CTIF: variants seen among roughly 807,000 people sequenced by gnomAD.
CTIF encodes the protein CBP80/20-dependent translation initiation factor.
A neutral mutation model predicts 66.0 loss-of-function variants in CTIF; 21 were observed. The observed-to-expected ratio is 0.32, with a 90% CI of 0.23 to 0.46. The LOEUF is 0.46. Among genes scored for constraint, CTIF ranks in the 20% least tolerant of loss-of-function variants. The pLI is 1.00. For missense variants in CTIF, 739 were observed against 812.7 expected (o/e 0.91, Z 1.10); for synonymous variants, 345 against 326.4 (o/e 1.06, Z -0.62).
At chr18:48,556,707 G>T (rs576736468) in intron 1 of CTIF, among the ~76,000 whole-genome samples, 1 of 152,298 alleles carries the variant, frequency 6.6e-6, no homozygotes, top group South Asian at 2.1e-4. Context: ...TGAGATTACA[G>T]GCACGCACCA....
rs79161690 is a variant in CTIF at position 48,549,916 on chromosome 18, T to C, written c.-29+10604T>C. Among the ~76,000 whole-genome samples the C allele has an allele frequency of 4.8e-4, 73 of 152,180 alleles. No homozygotes were observed. The East Asian group carries it at 0.012, about 25-fold the overall frequency. ...CCAAGTTTCAAGATGTTTTTATTTA[T>C]TGGGGGGGAGTTAGTGAATTAGCTT... On this transcript the variant is annotated intron_variant, in intron 1 of 11. Transcript: ENST00000256413.
intron 10 of CTIF, among the ~76,000 whole-genome samples, chr18:48,855,077 G>T (rs4404146): frequency 0.29 from 43,658 of 152,154 alleles, 6,488 homozygotes; most frequent in Admixed American, 0.35. Flanking sequence ...GCAGTGAACT[G>T]TGCTGGCCTG....
chr18:48,795,007 T>C (rs2067882558), intron 9 of CTIF, among the ~76,000 whole-genome samples: 1 of 152,086 alleles, frequency 6.6e-6, no homozygotes, highest in Non-Finnish European at 1.5e-5. Context: ...GAGAGTCCTG[T>C]GTGAGGATTC....
intron 1 of CTIF, among the ~76,000 whole-genome samples, chr18:48,613,054 G>A (rs148986606): frequency 1.1e-3 from 169 of 152,268 alleles, no homozygotes; most frequent in Non-Finnish European, 1.9e-3. Flanking sequence ...AGGCCCTGGA[G>A]CAGATGCATT....
At chr18:48,799,986 G>A (rs1319668656) in intron 9 of CTIF, among the ~76,000 whole-genome samples, 1 of 152,246 alleles carries the variant, frequency 6.6e-6, no homozygotes, top group African/African-American at 2.4e-5. Context: ...CACAAGAGTG[G>A]AGGGCCTACT....
chr18:48,733,716 G>A lies in CTIF; in HGVS notation c.584+22021G>A, dbSNP rs145825378. Among the ~76,000 whole-genome samples, 185 of 152,326 alleles carry A rather than the reference G, an allele frequency of 1.2e-3. 1 individual carries two copies. Among genetic ancestry groups the A allele is most frequent in the African/African-American group, 4.4e-3 (181 of 41,566 alleles). ...CACCTAGGGTTTTCATTTGCAGCCCGTGATGAAGTCAGCTGGCCAAGAGGT... is the reference window on the plus strand; with the variant it reads ...CACCTAGGGTTTTCATTTGCAGCCCATGATGAAGTCAGCTGGCCAAGAGGT... On this transcript the variant is annotated intron_variant, in intron 7 of 11. Transcript: ENST00000256413.
intron 1 of CTIF, among the ~76,000 whole-genome samples, chr18:48,613,057 G>C (rs2090336423): frequency 6.6e-6 from 1 of 152,170 alleles, no homozygotes; most frequent in African/African-American, 2.4e-5. Flanking sequence ...CCCTGGAGCA[G>C]ATGCATTTCA....
rs574767753 is a variant in CTIF, at chr18:48,553,445, G to A, written c.-29+14133G>A. 5.3e-4 allele frequency among the ~76,000 whole-genome samples: 80 copies of A among 152,308 alleles called. 3 individuals are homozygous for A. The South Asian group carries it at 0.016, about 30-fold the overall frequency. On this transcript the variant is annotated intron_variant, in intron 1 of 11. Transcript: ENST00000256413. ...AGGCCCAGGTGGCTGGCAGATGACG[G>A]TGAGGAGCGGGTGATGGGGTAATTC...
chr18:48,731,062 A>AT (rs1376847916), intron 7 of CTIF, among the ~76,000 whole-genome samples: 1 of 152,132 alleles, frequency 6.6e-6, no homozygotes, highest in African/African-American at 2.4e-5. Flanking sequence ...CATGAGGATG[A>AT]GAAAGAAGAA....
chr18:48,602,783 ATGGG>A (rs2090113877), intron 1 of CTIF, among the ~76,000 whole-genome samples: 1 of 152,122 alleles, frequency 6.6e-6, no homozygotes. Flanking sequence ...AAATGGACAT[ATGGG>A]TGGATGGATG....
At chr18:48,757,675 G>A (rs1445334193) in intron 7 of CTIF, among the ~76,000 whole-genome samples, 2 of 152,188 alleles carry the variant, frequency 1.3e-5, no homozygotes, top group Non-Finnish European at 2.9e-5. Flanking sequence ...AGCGAATAAA[G>A]TACTGATTTT....
chr18:48,606,282 CA>C (rs1212867923), intron 1 of CTIF, among the ~76,000 whole-genome samples: 1 of 152,216 alleles, frequency 6.6e-6, no homozygotes, highest in Admixed American at 6.6e-5. Context: ...GTTCATGCCA[CA>C]AGGAGTGGGA....
At chr18:48,781,258 C>G (rs780101738) in intron 9 of CTIF, among the ~76,000 whole-genome samples, 3 of 152,344 alleles carry the variant, frequency 2.0e-5, no homozygotes, top group African/African-American at 7.2e-5. Context: ...AGCCGTGCGC[C>G]GCAGCGGGGG....
At chr18:48,773,091 A>G (rs1179024815) in intron 9 of CTIF, among the ~76,000 whole-genome samples, 1 of 152,208 alleles carries the variant, frequency 6.6e-6, no homozygotes, top group Non-Finnish European at 1.5e-5. Context: ...AGTGGGACTC[A>G]GGGAGCCATT....
chr18:48,559,403 G>A (rs1024893196), intron 1 of CTIF, among the ~76,000 whole-genome samples: 4 of 152,144 alleles, frequency 2.6e-5, no homozygotes, highest in Non-Finnish European at 5.9e-5. Flanking sequence ...AATGTTACCT[G>A]TGGAAGCAGA....
At chr18:48,648,422 A>C (rs1371027599) in intron 3 of CTIF, among the ~76,000 whole-genome samples, 1 of 150,472 alleles carries the variant, frequency 6.6e-6, no homozygotes, top group African/African-American at 2.4e-5. Flanking sequence ...TTGGGGGTCT[A>C]TTTCCCCCTT....
chr18:48,741,420 CTTT>C (rs11425141), intron 7 of CTIF, among the ~76,000 whole-genome samples: 2 of 104,840 alleles, frequency 1.9e-5, no homozygotes, highest in Non-Finnish European at 1.8e-5. Context: ...GTGACCAGGG[CTTT>C]TTTTTTTTTT....
chr18:48,844,722 G>A (rs961078183), intron 10 of CTIF, among the ~76,000 whole-genome samples: 2 of 152,240 alleles, frequency 1.3e-5, no homozygotes, highest in Non-Finnish European at 2.9e-5. Flanking sequence ...AAAGTGGCAT[G>A]GGGGCCCATT....
chr18:48,761,758 G>T lies in CTIF; in HGVS notation c.1371+69G>T, dbSNP rs957426956. On this transcript the variant is annotated intron_variant, in intron 9 of 11. Coordinates refer to ENST00000256413, the MANE Select transcript of CTIF (RefSeq NM_014772.3). This position sits in a 1 kb window ranked among gnomAD's most constrained non-coding sequence, Gnocchi z 4.2. ...CTGCGTTCGGTGAGTTATTCCTAGC[G>T]AGAAGGCTGCGAGTTCTGGCCACAG... is the stretch of plus-strand genomic sequence containing the variant. 6.9e-7 allele frequency: 1 copy of T among 1,459,044 alleles called. No individual in the cohort carries two copies. Among genetic ancestry groups the T allele is most frequent in the Admixed American group, 1.9e-5 (1 of 52,570 alleles). The allele number at this position is 1,459,044 out of a possible 1,614,324, so 90.4% of individuals were successfully genotyped here.
Sources: gnomAD v4.1 joint callset for allele counts (sites outside exome capture counted in the v4.1 genomes callset) on GRCh38, gnomAD v4.1.1 for gene constraint, Gnocchi (gnomAD v3.1) non-coding constraint, MANE v1.5 for transcripts, NCBI Gene and HGNC (gene_info 2026-07-23, HGNC 2026-07-21) for gene names.